Variants in RGPD3 observed in about 807,000 individuals in gnomAD.
The protein encoded by RGPD3 is RANBP2 like and GRIP domain containing 3.
RGPD3 carries 62 observed loss-of-function variants against 154.5 expected under a neutral mutation model. The observed-to-expected ratio is 0.40, with a 90% confidence interval of 0.33 to 0.50. The LOEUF (loss-of-function observed/expected upper bound fraction) is 0.50, where lower values mean the gene tolerates loss of function less well. Among genes scored for constraint, RGPD3 ranks in the 20% least tolerant of loss-of-function variants. RGPD3 has a pLI of 0.59. For synonymous variants in RGPD3, 308 were observed against 607.0 expected (o/e 0.51, Z 7.24); for missense variants, 919 against 1,716.8 (o/e 0.54, Z 8.21).
At chr2:106,421,846 G>A (rs1042215311) in intron 20 of RGPD3, among the ~76,000 whole-genome samples, 3 of 151,142 alleles carry the variant, frequency 2.0e-5, no homozygotes, top group African/African-American at 7.3e-5. Context: ...AAATAGCAGA[G>A]CAATGAAGTA....
chr2:106,462,248 T>G (rs535325414), intron 1 of RGPD3, among the ~76,000 whole-genome samples: 1 of 151,240 alleles, frequency 6.6e-6, no homozygotes, highest in Non-Finnish European at 1.5e-5. Context: ...GAAAAATAAT[T>G]CCATTACCTT....
intron 18 of RGPD3, among the ~76,000 whole-genome samples, chr2:106,426,707 C>T (rs1298023656): frequency 6.6e-6 from 1 of 152,246 alleles, no homozygotes; most frequent in Non-Finnish European, 1.5e-5. Context: ...CTAGAAGGCA[C>T]CCCTGTTAAT....
intron 17 of RGPD3, among the ~76,000 whole-genome samples, chr2:106,430,095 G>T (rs1042074964): frequency 6.7e-6 from 1 of 150,128 alleles, no homozygotes; most frequent in African/African-American, 2.4e-5. Flanking sequence ...TGTTTGCCAG[G>T]CTAGTCTTGA....
At chr2:106,468,835 G>C (rs1321156055), upstream of RGPD3, among the ~76,000 whole-genome samples, 2 of 91,588 alleles carry the variant, frequency 2.2e-5, no homozygotes, top group Non-Finnish European at 4.4e-5. Context: ...AAAAAAAAAA[G>C]ACTAAACTGT....
chr2:106,422,882 AC>A (rs1677038987), intron 20 of RGPD3, among the ~76,000 whole-genome samples, 160 bp downstream of exon 20: 1 of 152,174 alleles, frequency 6.6e-6, no homozygotes, highest in African/African-American at 2.4e-5. Context: ...TTGAAACCTC[AC>A]CATGAACTTA....
At chr2:106,451,097 A>AAC (rs1553462318) in intron 6 of RGPD3, among the ~76,000 whole-genome samples, 17 of 133,976 alleles carry the variant, frequency 1.3e-4, no homozygotes, top group Non-Finnish European at 2.1e-4. Flanking sequence ...CAAAAAAAAA[A>AAC]AAACAAAAAA....
intron 7 of RGPD3, among the ~76,000 whole-genome samples, chr2:106,444,652 T>C (rs1341826210): frequency 3.6e-5 from 5 of 140,580 alleles, no homozygotes; most frequent in Non-Finnish European, 6.2e-5. Flanking sequence ...TAGCAAGACC[T>C]TGTCTTTACA....
At chr2:106,428,651 C>T (rs1397610653) in intron 18 of RGPD3, among the ~76,000 whole-genome samples, 4 of 151,726 alleles carry the variant, frequency 2.6e-5, no homozygotes. Context: ...TCATCTAAAC[C>T]AGATTTTATT....
chr2:106,449,710 G>C (rs1483233883), intron 6 of RGPD3, among the ~76,000 whole-genome samples: 1 of 151,660 alleles, frequency 6.6e-6, no homozygotes, highest in South Asian at 2.1e-4. Context: ...AAGGTAGACA[G>C]ATCAAGAGGT....
intron 6 of RGPD3, among the ~76,000 whole-genome samples, chr2:106,450,146 G>A (rs1407301531): frequency 1.6e-4 from 22 of 139,766 alleles, no homozygotes; most frequent in Non-Finnish European, 2.5e-4. Flanking sequence ...TTGGGAGGCC[G>A]AGGAGGGCAG....
rs896164444 is a variant in RGPD3 at position 106,442,535 on chromosome 2, G to A, written c.979-1155C>T. ...AAAGCATGATGAATAGAATGGCGAA[G>A]GGAAGACGTGACAGCTGCCTTCAAA... On this transcript the variant is annotated intron_variant, in intron 7 of 22. Transcript: ENST00000409886. Among the ~76,000 whole-genome samples, 3 of 136,662 alleles carry A rather than the reference G, an allele frequency of 2.2e-5. 1 individual carries two copies. The highest frequency in any genetic ancestry group is 4.7e-5 in the Non-Finnish European group (3 of 63,914). The allele number at this position is 136,662 out of a possible 152,430, so 89.7% of individuals were successfully genotyped here. A position where few individuals can be genotyped will look rare whatever the true frequency, so the allele number is the denominator to read the frequency against.
At chr2:106,450,715 A>G (rs1678089571) in intron 6 of RGPD3, among the ~76,000 whole-genome samples, 1 of 93,826 alleles carries the variant, frequency 1.1e-5, no homozygotes, top group Non-Finnish European at 2.4e-5. Context: ...CAAAAAAAAA[A>G]AAAAAAAAAA....
intron 21 of RGPD3, 69 bp from the exon 22 acceptor site, chr2:106,413,354 A>C: frequency 6.3e-7 from 1 of 1,588,384 alleles, no homozygotes; most frequent in South Asian, 1.1e-5. Flanking sequence ...GACTGAACTC[A>C]TGTATTTTTC....
intron 1 of RGPD3, among the ~76,000 whole-genome samples, chr2:106,460,963 C>CA (rs1276242207): frequency 1.0e-4 from 3 of 29,850 alleles, no homozygotes; most frequent in Admixed American, 5.9e-4. Context: ...AGTGAATGTC[C>CA]AAAACGATGA....
chr2:106,432,151 C>T (rs1677381229), intron 17 of RGPD3, among the ~76,000 whole-genome samples: 2 of 149,022 alleles, frequency 1.3e-5, no homozygotes, highest in South Asian at 4.4e-4. Context: ...ACATAAAGTA[C>T]TTTCAAAAAT....
chr2:106,461,761 A>G (rs896693084), intron 1 of RGPD3, among the ~76,000 whole-genome samples: 2 of 152,006 alleles, frequency 1.3e-5, no homozygotes, highest in African/African-American at 4.8e-5. Context: ...TGCTTAAATT[A>G]CAAAACGTTG....
chr2:106,468,391 C>T lies in RGPD3; in HGVS notation c.-103G>A. On this transcript the variant is annotated 5_prime_UTR_variant, in exon 1 of 23. Coordinates refer to ENST00000409886, the MANE Select transcript of RGPD3 (RefSeq NM_001144013.2). ...CGCCTGAAAGCCACTGAGGCAGCGG[C>T]GTAGCCGGCGGAGGACCACTGTGAC... 2 of 1,537,472 alleles carry T rather than the reference C, an allele frequency of 1.3e-6. No homozygotes were observed. Among genetic ancestry groups the T allele is most frequent in the Admixed American group, 2.0e-5 (1 of 49,782 alleles).
Position 106,447,500 on chromosome 2 carries a change from A to C in RGPD3, c.896T>G (p.Leu299Trp). 4.2e-6 allele frequency: 1 copy of C among 240,780 alleles called. No homozygotes were observed. Among genetic ancestry groups the C allele is most frequent in the Admixed American group, 1.1e-4 (1 of 9,448 alleles). 14.9% of individuals were successfully genotyped at this position (240,780 alleles called of 1,614,324 possible). The stretch of plus-strand genomic sequence containing the variant: ...ATTATTACCATGCTGACCCATCTTC[A>C]AGAGCAGAGAACCAGCATGCATGTA... ...HFYMHAGSLLLKMGQHGNNVQ... is the reference protein window; with the variant it reads ...HFYMHAGSLLWKMGQHGNNVQ... Residue 299 changes from leucine (L) to tryptophan (W), a missense_variant, in exon 7 of 23, where the codon TTG becomes TGG. Physicochemically the swap from Leu to Trp is moderately conservative, Grantham distance 61. Coordinates refer to ENST00000409886, the MANE Select transcript of RGPD3 (RefSeq NM_001144013.2).
intron 8 of RGPD3, among the ~76,000 whole-genome samples, chr2:106,439,831 A>C (rs1834763): frequency 0.061 from 6,557 of 107,588 alleles, 7 homozygotes; most frequent in African/African-American, 0.2. Flanking sequence ...ACGCCACTGC[A>C]CTCCAGCCCG....
Sources: allele counts gnomAD v4.1 joint callset (sites outside exome capture counted in the v4.1 genomes callset), GRCh38; gene constraint gnomAD v4.1.1; transcripts MANE v1.5; gene names NCBI Gene and HGNC (gene_info 2026-07-23, HGNC 2026-07-21).